ANGPTL1: variants seen among roughly 807,000 people sequenced by gnomAD.
The protein encoded by ANGPTL1 is angiopoietin-related protein 1.
In ANGPTL1, 36 loss-of-function variants were observed where a neutral mutation model predicts 46.7. The ratio of observed to expected loss-of-function variants is 0.77; its 90% CI spans 0.59 to 1.02. The LOEUF (loss-of-function observed/expected upper bound fraction) is 1.02, where lower values mean the gene tolerates loss of function less well. ANGPTL1 is among the 50% of genes least tolerant of loss of function. ANGPTL1 has a pLI of 0.00. For missense variants in ANGPTL1, 571 were observed against 594.7 expected (o/e 0.96, Z 0.41); for synonymous variants, 221 against 204.3 (o/e 1.08, Z -0.69).
chr1:178,869,180 A>G lies in ANGPTL1; in HGVS notation c.-93T>C, dbSNP rs1439472007. ...AAAAAAGTCTTCTATGCGTTGGGTT[A>G]ATTTTATTAGTAGCTTTTCTCTTCA... On this transcript the variant is annotated 5_prime_UTR_variant, in exon 2 of 6. Coordinates refer to ENST00000234816, the MANE Select transcript of ANGPTL1 (RefSeq NM_004673.4). 6.6e-6 allele frequency: 1 copy of G among 152,048 alleles called. No individual in the cohort carries two copies. Among genetic ancestry groups the G allele is most frequent in the Admixed American group, 6.6e-5 (1 of 15,250 alleles). 9.4% of individuals were successfully genotyped at this position (152,048 alleles called of 1,614,324 possible). A position where few individuals can be genotyped will look rare whatever the true frequency, so the allele number is the denominator to read the frequency against.
In ANGPTL1 at chr1:178,870,847, A is replaced by G. The variant is rs1658713636; in HGVS notation, c.-243T>C. The G allele has an allele frequency of 6.6e-6, 1 of 152,142 alleles. No individual in the cohort carries two copies. Among genetic ancestry groups the G allele is most frequent in the African/African-American group, 2.4e-5 (1 of 41,436 alleles). The allele number at this position is 152,142 out of a possible 1,614,324, so 9.4% of individuals were successfully genotyped here. Reference sequence around the variant, plus strand: ...CATCTGTGACTTTAATGGCAGCTGCATTTTTGTTTTGGACCGTTGAATCCA... The same window carrying G: ...CATCTGTGACTTTAATGGCAGCTGCGTTTTTGTTTTGGACCGTTGAATCCA... On this transcript the variant is annotated 5_prime_UTR_variant, in exon 1 of 6. The change abolishes an upstream ATG in the 5' untranslated region. Transcript: ENST00000234816.
chr1:178,868,781 A>G (rs1658571055), intron 2 of ANGPTL1, among the ~76,000 whole-genome samples: 1 of 152,004 alleles, frequency 6.6e-6, no homozygotes, highest in South Asian at 2.1e-4. Flanking sequence ...CTAAATTAGC[A>G]TTTAAAGGAG....
At position 178,850,247 on chromosome 1, in the gene ANGPTL1, GTTTT is replaced by G. The variant is rs931963771; in HGVS notation, c.*878_*881del. 1 of 151,520 alleles carries G rather than the reference GTTTT, an allele frequency of 6.6e-6. No individual in the cohort carries two copies. The highest frequency in any genetic ancestry group is 1.5e-5 in the Non-Finnish European group (1 of 67,784). 9.4% of individuals were successfully genotyped at this position (151,520 alleles called of 1,614,324 possible). A position where few individuals can be genotyped will look rare whatever the true frequency, so the allele number is the denominator to read the frequency against. ...CTGATTTGAATTGCAGATTGGTTGGGTTTTTTTTTCTTTGTAGTAGTAAGATCAG... is the reference window on the plus strand; with the variant it reads ...CTGATTTGAATTGCAGATTGGTTGGGTTTTTCTTTGTAGTAGTAAGATCAG... On this transcript the variant is annotated 3_prime_UTR_variant, in exon 6 of 6. Coordinates refer to ENST00000234816, the MANE Select transcript of ANGPTL1 (RefSeq NM_004673.4).
Position 178,849,991 on chromosome 1 carries a change from A to G in ANGPTL1, c.*1138T>C, listed in dbSNP as rs1462077363. 1 of 152,676 alleles carries G rather than the reference A, an allele frequency of 6.5e-6. No individual in the cohort carries two copies. Among genetic ancestry groups the G allele is most frequent in the African/African-American group, 2.4e-5 (1 of 41,476 alleles). The allele number at this position is 152,676 out of a possible 1,614,324, so 9.5% of individuals were successfully genotyped here. ...TTCCTGAAAGGAAATTGTTCCAGAA[A>G]GTCACTAGTAAAGTTGTTGATTGCA... On this transcript the variant is annotated 3_prime_UTR_variant, in exon 6 of 6. Transcript: ENST00000234816.
At position 178,865,161 on chromosome 1, in the gene ANGPTL1, G is replaced by T. The variant is rs748411414; in HGVS notation, c.616C>A (p.Arg206=). 6.2e-7 allele frequency: 1 copy of T among 1,607,286 alleles called. No individual in the cohort carries two copies. The highest frequency in any genetic ancestry group is 8.5e-7 in the Non-Finnish European group (1 of 1,175,484). Residue 206 remains arginine (R), a synonymous_variant, in exon 3 of 6, where the codon CGA becomes AGA. Coordinates refer to ENST00000234816, the MANE Select transcript of ANGPTL1 (RefSeq NM_004673.4). ...GGGGGAGACACATGGGTGTCTTGTC[G>T]GGAAAATATCCTCAAGCACTGTTCT... The part of the protein sequence containing the change: ...LEEQCLRIFS[R]QDTHVSPPLV...
chr1:178,852,714 G>A lies in ANGPTL1; in HGVS notation c.1257C>T (p.Thr419=), dbSNP rs200482313. The A allele has an allele frequency of 3.9e-4, 635 of 1,613,654 alleles. No individual in the cohort carries two copies. The highest frequency in any genetic ancestry group is 5.1e-4 in the Non-Finnish European group (598 of 1,179,746). The change falls in exon 5 of 6, where the codon ACC becomes ACT. Residue 419 remains threonine (T), a synonymous_variant. Transcript: ENST00000234816. ...SMMWHNGKQF[T]TLDRDKDMYA... Reference sequence around the variant, plus strand: ...ACATATCTTTATCTCTGTCCAGTGTGGTGAATTGTTTACCATTATGCCACA... The same window carrying A: ...ACATATCTTTATCTCTGTCCAGTGTAGTGAATTGTTTACCATTATGCCACA...
At chr1:178,855,771 A>G (rs1341020517) in intron 3 of ANGPTL1, among the ~76,000 whole-genome samples, 4 of 151,802 alleles carry the variant, frequency 2.6e-5, no homozygotes, top group Non-Finnish European at 5.9e-5. Flanking sequence ...AGTTTTTATC[A>G]TGAATGGATT....
In ANGPTL1 at chr1:178,851,000, G is replaced by T; in HGVS notation, c.*129C>A. 1.2e-6 allele frequency: 1 copy of T among 848,316 alleles called. No individual in the cohort carries two copies. Among genetic ancestry groups the T allele is most frequent in the Non-Finnish European group, 1.7e-6 (1 of 598,592 alleles). 52.5% of individuals were successfully genotyped at this position (848,316 alleles called of 1,614,324 possible). On this transcript the variant is annotated 3_prime_UTR_variant, in exon 6 of 6. Transcript: ENST00000234816. ...TTTATAGGTTCCCTTTTATAGTTAC[G>T]GTAAAATTCATTTTAAAAACTTTCT...
At chr1:178,861,615 G>GAATA (rs1168629014) in intron 3 of ANGPTL1, among the ~76,000 whole-genome samples, 1 of 152,100 alleles carries the variant, frequency 6.6e-6, no homozygotes, top group African/African-American at 2.4e-5. Context: ...GGATCACATA[G>GAATA]AATACTCCAT....
rs146890252 is a variant in ANGPTL1 at position 178,852,933 on chromosome 1, G to A, written c.1038C>T (p.Asp346=). The change falls in exon 5 of 6, where the codon GAC becomes GAT. Residue 346 remains aspartate, a synonymous_variant. Transcript: ENST00000234816. ...ENYKKGFGNI[D]GEYWLGLENI... ...TTTCCAGTCCAAGCCAGTATTCTCC[G>A]TCAATGTTTCCAAACCCTTTCTGTT... 1.4e-3 allele frequency: 2,180 copies of A among 1,611,582 alleles called. 2 individuals are homozygous for A. Among genetic ancestry groups the A allele is most frequent in the Non-Finnish European group, 1.6e-3 (1,874 of 1,178,862 alleles).
intron 5 of ANGPTL1, 30 bp from the exon 6 acceptor site, chr1:178,851,346 A>G (rs770335997): frequency 1.3e-6 from 2 of 1,582,786 alleles, no homozygotes; most frequent in African/African-American, 2.7e-5. Context: ...ATATAAATGT[A>G]AAAGTTTCTT....
At chr1:178,861,221 C>T (rs1237611952) in intron 3 of ANGPTL1, among the ~76,000 whole-genome samples, 1 of 151,558 alleles carries the variant, frequency 6.6e-6, no homozygotes, top group Non-Finnish European at 1.5e-5. Flanking sequence ...AGCAGATTAT[C>T]CCTTTGAATT....
At chr1:178,855,171 A>G (rs1224648907) in intron 3 of ANGPTL1, among the ~76,000 whole-genome samples, 2 of 152,094 alleles carry the variant, frequency 1.3e-5, no homozygotes, top group Non-Finnish European at 2.9e-5. Flanking sequence ...AGATATGTAC[A>G]GTATTCCTTT....
At position 178,852,772 on chromosome 1, in the gene ANGPTL1, C is replaced by A; in HGVS notation, c.1199G>T (p.Gly400Val). ...PESEFYRLRL[G>V]TYQGNAGDSM... ...ATCCCCTGCATTTCCCTGGTAAGTT[C>A]CCAGGCGCAGTCTATAGAATTCACT... Residue 400 changes from glycine (G) to valine (V), a missense_variant, in exon 5 of 6, where the codon GGA becomes GTA. By Grantham distance (109) the Gly-to-Val change is moderately radical. Transcript: ENST00000234816. 1.2e-6 allele frequency: 2 copies of A among 1,613,892 alleles called. No homozygotes were observed. The highest frequency in any genetic ancestry group is 1.3e-5 in the African/African-American group (1 of 75,030).
chr1:178,857,379 A>G (rs912388786), intron 3 of ANGPTL1, among the ~76,000 whole-genome samples: 1 of 152,176 alleles, frequency 6.6e-6, no homozygotes, highest in Non-Finnish European at 1.5e-5. Context: ...TTCTGCATCT[A>G]CTACAGGCTA....
At position 178,865,171 on chromosome 1, in the gene ANGPTL1, C is replaced by A; in HGVS notation, c.606G>T (p.Arg202Ser). ...CATGGGTGTCTTGTCGGGAAAATAT[C>A]CTCAAGCACTGTTCTTCCAACAAAG... ...MITLLEEQCL[R>S]IFSRQDTHVS... Residue 202 changes from arginine (R) to serine (S), a missense_variant, in exon 3 of 6, where the codon AGG becomes AGT. Coordinates refer to ENST00000234816, the MANE Select transcript of ANGPTL1 (RefSeq NM_004673.4). The A allele has an allele frequency of 1.2e-6, 2 of 1,610,756 alleles. No individual in the cohort carries two copies. Among genetic ancestry groups the A allele is most frequent in the African/African-American group, 1.3e-5 (1 of 74,968 alleles).
At chr1:178,852,650 A>G (rs1657250752) in intron 5 of ANGPTL1, 33 bp downstream of exon 5, 3 of 1,588,042 alleles carry the variant, frequency 1.9e-6, no homozygotes, top group South Asian at 2.3e-5. Flanking sequence ...GAAGGTGATG[A>G]TTCTACAAAG....
Position 178,852,680 on chromosome 1 carries a change from T to TA in ANGPTL1, c.1288+2dup, listed in dbSNP as rs779151567. 1 of 1,609,110 alleles carries TA rather than the reference T, an allele frequency of 6.2e-7. No homozygotes were observed. Among genetic ancestry groups the TA allele is most frequent in the South Asian group, 1.1e-5 (1 of 90,566 alleles). On this transcript the variant is annotated splice_region_variant and intron_variant, in intron 5 of 5. Coordinates refer to ENST00000234816, the MANE Select transcript of ANGPTL1 (RefSeq NM_004673.4). The stretch of plus-strand genomic sequence containing the variant: ...ACAAAGAATGAAAGTTTTTCATACT[T>TA]ACCTGCATACATATCTTTATCTCTG...
At chr1:178,857,096 A>G (rs1228790132) in intron 3 of ANGPTL1, among the ~76,000 whole-genome samples, 2 of 152,178 alleles carry the variant, frequency 1.3e-5, no homozygotes, top group Non-Finnish European at 1.5e-5. Flanking sequence ...AGAAAAGATG[A>G]AATTTACAGA....
Sources: allele counts gnomAD v4.1 joint callset (sites outside exome capture counted in the v4.1 genomes callset), GRCh38; gene constraint gnomAD v4.1.1; transcripts MANE v1.5; gene names NCBI Gene and HGNC (gene_info 2026-07-23, HGNC 2026-07-21).